CPED1: variants seen among roughly 807,000 people sequenced by gnomAD.
The protein encoded by CPED1 is cadherin like and PC-esterase domain containing 1, also known as cadherin-like and PC-esterase domain-containing protein 1.
A neutral mutation model predicts 128.2 loss-of-function variants in CPED1; 114 were observed. The ratio of observed to expected loss-of-function variants is 0.89; its 90% confidence interval spans 0.76 to 1.04. CPED1 has a LOEUF of 1.04. CPED1 is among the 50% of genes least tolerant of loss of function. The pLI is 0.00. For missense variants in CPED1, 1,211 were observed against 1,207.1 expected (o/e 1.00, Z -0.05); for synonymous variants, 462 against 426.7 (o/e 1.08, Z -1.02).
At chr7:121,227,298 G>T (rs1441776167) in intron 16 of CPED1, among the ~76,000 whole-genome samples, 1 of 151,986 alleles carries the variant, frequency 6.6e-6, no homozygotes, top group Non-Finnish European at 1.5e-5. Flanking sequence ...ACTGACAATA[G>T]CTTCAATCAG....
intron 18 of CPED1, among the ~76,000 whole-genome samples, chr7:121,247,139 G>A (rs1365758399): frequency 6.6e-6 from 1 of 152,224 alleles, no homozygotes; most frequent in Non-Finnish European, 1.5e-5. Flanking sequence ...CAGAGGCTGT[G>A]TAATGGGAAA....
At chr7:121,218,854 A>C (rs561826837) in intron 16 of CPED1, among the ~76,000 whole-genome samples, 3 of 152,094 alleles carry the variant, frequency 2.0e-5, no homozygotes, top group African/African-American at 7.2e-5. Context: ...TTAAAGTATA[A>C]TCTAAAAAAT....
intron 5 of CPED1, among the ~76,000 whole-genome samples, chr7:121,071,359 C>T (rs1244886053): frequency 6.6e-6 from 1 of 152,112 alleles, no homozygotes; most frequent in Non-Finnish European, 1.5e-5. Context: ...TCAGCACATT[C>T]CCTTAGCCCT....
At chr7:121,210,572 CAT>C (rs1286462849) in intron 16 of CPED1, among the ~76,000 whole-genome samples, 3 of 151,982 alleles carry the variant, frequency 2.0e-5, no homozygotes, top group African/African-American at 7.2e-5. Flanking sequence ...ACAAACTTCA[CAT>C]GTTATCACTC....
chr7:121,237,094 G>A (rs1475779287), intron 17 of CPED1, among the ~76,000 whole-genome samples: 1 of 152,092 alleles, frequency 6.6e-6, no homozygotes, highest in Admixed American at 6.5e-5. Flanking sequence ...TTGCCAGAGA[G>A]CCTTCCCTGA....
At chr7:121,036,507 A>AT (rs1302763163) in intron 3 of CPED1, among the ~76,000 whole-genome samples, 1,506 of 133,870 alleles carry the variant, frequency 0.011, 27 homozygotes, top group African/African-American at 0.04. Flanking sequence ...ATATATATAT[A>AT]TTTTTTTTTT....
At position 121,093,809 on chromosome 7, in the gene CPED1, T is replaced by C. The variant is rs997471311; in HGVS notation, c.617-3890T>C. Reference sequence around the variant, plus strand: ...TTCCTGGGCTAAGAGTGGTAAAAGCTTCCCATTTTGTCGGCCCTGGGGAGC... The same window carrying C: ...TTCCTGGGCTAAGAGTGGTAAAAGCCTCCCATTTTGTCGGCCCTGGGGAGC... On this transcript the variant is annotated intron_variant, in intron 5 of 22. Coordinates refer to ENST00000310396, the MANE Select transcript of CPED1 (RefSeq NM_024913.5). Among the ~76,000 whole-genome samples the C allele has an allele frequency of 2.0e-5, 3 of 152,286 alleles. No individual in the cohort carries two copies. The East Asian group carries it at 5.8e-4, about 29-fold the overall frequency.
At chr7:121,048,823 GCCACC>G (rs2116910741) in intron 4 of CPED1, among the ~76,000 whole-genome samples, 1 of 152,304 alleles carries the variant, frequency 6.6e-6, no homozygotes, top group African/African-American at 2.4e-5. Flanking sequence ...ACAGGCCTAA[GCCACC>G]ATGCCAGGCC....
At chr7:121,188,456 C>G (rs1174421757) in intron 16 of CPED1, among the ~76,000 whole-genome samples, 2 of 152,180 alleles carry the variant, frequency 1.3e-5, no homozygotes, top group East Asian at 3.9e-4. Context: ...ATGTACAATT[C>G]AGTTATGGTT....
intron 2 of CPED1, among the ~76,000 whole-genome samples, chr7:121,002,478 T>C (rs1469198075): frequency 6.6e-6 from 1 of 152,166 alleles, no homozygotes; most frequent in Non-Finnish European, 1.5e-5. Context: ...ATCTTTTGTT[T>C]TTCTGAATAA....
At chr7:121,086,380 G>A (rs530011355) in intron 5 of CPED1, among the ~76,000 whole-genome samples, 1 of 152,168 alleles carries the variant, frequency 6.6e-6, no homozygotes, top group East Asian at 1.9e-4. Flanking sequence ...CTTACCTAAT[G>A]GAAAGATTTT....
At position 121,152,877 on chromosome 7, in the gene CPED1, G is replaced by T. The variant is rs117087401; in HGVS notation, c.2055+10736G>T. On this transcript the variant is annotated intron_variant, in intron 16 of 22. Transcript: ENST00000310396. ...AAATTATACAGTACATTTTTGTAAT[G>T]AATGTGATTACAAACATTTCAGAAT... Among the ~76,000 whole-genome samples, 865 of 152,246 alleles carry T rather than the reference G, an allele frequency of 5.7e-3. 4 individuals are homozygous for T. Among genetic ancestry groups the T allele is most frequent in the Non-Finnish European group, 9.5e-3 (648 of 68,010 alleles).
At chr7:121,286,601 T>C (rs1410727157) in intron 22 of CPED1, among the ~76,000 whole-genome samples, 3 of 152,196 alleles carry the variant, frequency 2.0e-5, no homozygotes, top group Non-Finnish European at 4.4e-5. Flanking sequence ...TTGATTTTTA[T>C]AAATCTAGTT....
chr7:121,176,095 G>A (rs1277050983), intron 16 of CPED1, among the ~76,000 whole-genome samples: 1 of 150,262 alleles, frequency 6.7e-6, no homozygotes, highest in Non-Finnish European at 1.5e-5. Flanking sequence ...TCTAATACTA[G>A]CAGGACTCTG....
chr7:121,271,492 TTTAA>T, intron 22 of CPED1, 62 bp downstream of exon 22: 1 of 1,461,494 alleles, frequency 6.8e-7, no homozygotes, highest in Non-Finnish European at 9.5e-7. Flanking sequence ...TTGTTGTATC[TTTAA>T]TTGTATTGTC....
intron 3 of CPED1, among the ~76,000 whole-genome samples, chr7:121,027,451 C>G (rs557273403): frequency 6.6e-6 from 1 of 152,028 alleles, no homozygotes; most frequent in South Asian, 2.1e-4. Flanking sequence ...AAAAACAAAC[C>G]CACAAATACA....
intron 3 of CPED1, among the ~76,000 whole-genome samples, chr7:121,036,306 A>G (rs1792886470): frequency 6.6e-6 from 1 of 151,944 alleles, no homozygotes. Context: ...CCCACATTCC[A>G]GTGTATCATT....
intron 16 of CPED1, among the ~76,000 whole-genome samples, chr7:121,153,297 A>G (rs1454397191): frequency 6.6e-6 from 1 of 152,198 alleles, no homozygotes; most frequent in Non-Finnish European, 1.5e-5. Flanking sequence ...TGAGAAAATG[A>G]GTCTTAGCCT....
At chr7:121,080,017 C>T (rs991309729) in intron 5 of CPED1, among the ~76,000 whole-genome samples, 3 of 152,150 alleles carry the variant, frequency 2.0e-5, no homozygotes, top group African/African-American at 7.2e-5. Context: ...TCCAGCAGGC[C>T]CGTTTACTCA....
Sources: gnomAD v4.1 joint callset for allele counts (sites outside exome capture counted in the v4.1 genomes callset) on GRCh38, gnomAD v4.1.1 for gene constraint, MANE v1.5 for transcripts, NCBI Gene and HGNC (gene_info 2026-07-23, HGNC 2026-07-21) for gene names.